NAALADL2: variants seen among roughly 807,000 people sequenced by gnomAD.
NAALADL2 encodes N-acetylated alpha-linked acidic dipeptidase like 2.
A neutral mutation model predicts 87.2 loss-of-function variants in NAALADL2; 76 were observed. That is an observed-to-expected ratio of 0.87 (90% CI 0.72 to 1.05). The LOEUF is 1.05. Ranked by LOEUF, NAALADL2 falls within the 50% of genes least tolerant of loss-of-function variation. NAALADL2 has a pLI of 0.00. For missense variants in NAALADL2, 1,089 were observed against 945.8 expected, an observed-to-expected ratio of 1.15 and a Z score of -1.99; for synonymous variants, 354 against 331.0, an observed-to-expected ratio of 1.07 and a Z score of -0.75.
chr3:175,264,937 A>G (rs1435598729), intron 4 of NAALADL2, among the ~76,000 whole-genome samples: 1 of 151,736 alleles, frequency 6.6e-6, no homozygotes, highest in Non-Finnish European at 1.5e-5. Flanking sequence ...AAAATTGTGA[A>G]TATCGTGTAA....
At chr3:174,781,126 T>C (rs1715922968) in intron 3 of NAALADL2, among the ~76,000 whole-genome samples, 1 of 152,098 alleles carries the variant, frequency 6.6e-6, no homozygotes, top group African/African-American at 2.4e-5. Flanking sequence ...TTCTGGCTTG[T>C]AGGGTTTCTG....
At chr3:175,163,832 G>A (rs996126394) in intron 2 of NAALADL2, among the ~76,000 whole-genome samples, 1 of 152,138 alleles carries the variant, frequency 6.6e-6, no homozygotes, top group African/African-American at 2.4e-5. Flanking sequence ...CTCACACACT[G>A]GGGAAGAAAA....
At chr3:175,346,030 G>C (rs1763120148) in intron 5 of NAALADL2, among the ~76,000 whole-genome samples, 1 of 152,144 alleles carries the variant, frequency 6.6e-6, no homozygotes, top group African/African-American at 2.4e-5. Flanking sequence ...AAATTCATGA[G>C]AAAGTGTATA....
chr3:174,917,726 A>G (rs1734598812), intron 1 of NAALADL2, among the ~76,000 whole-genome samples: 1 of 128,334 alleles, frequency 7.8e-6, no homozygotes, highest in South Asian at 2.4e-4. Flanking sequence ...TTTTAGATCT[A>G]TTTGTTATTT....
intron 2 of NAALADL2, among the ~76,000 whole-genome samples, chr3:174,725,709 A>AT (rs1277316076): frequency 6.6e-6 from 1 of 152,162 alleles, no homozygotes; most frequent in Non-Finnish European, 1.5e-5. Context: ...GGGATGTGGT[A>AT]TGTATGGGAG....
chr3:174,919,086 A>T (rs1384359436), intron 1 of NAALADL2, among the ~76,000 whole-genome samples: 1 of 152,152 alleles, frequency 6.6e-6, no homozygotes, highest in East Asian at 1.9e-4. Flanking sequence ...TTGCTAAAAA[A>T]TCCTAGCAGT....
chr3:174,979,020 A>T (rs1021900728), intron 1 of NAALADL2, among the ~76,000 whole-genome samples: 10 of 152,130 alleles, frequency 6.6e-5, no homozygotes, highest in Admixed American at 5.9e-4. Flanking sequence ...AGGAGCCAGG[A>T]AGGAGTGATT....
chr3:174,901,428 A>G (rs980192576), intron 1 of NAALADL2, among the ~76,000 whole-genome samples: 9 of 152,208 alleles, frequency 5.9e-5, no homozygotes, highest in Admixed American at 2.6e-4. Context: ...GGTGATTAAC[A>G]TGAAGTAGGC....
At chr3:175,678,620 A>G (rs1315053530) in intron 11 of NAALADL2, among the ~76,000 whole-genome samples, 13 of 152,196 alleles carry the variant, frequency 8.5e-5, no homozygotes, top group Non-Finnish European at 1.9e-4. Flanking sequence ...AAACTATCGC[A>G]AGGACAGAAA....
intron 10 of NAALADL2, among the ~76,000 whole-genome samples, chr3:175,601,943 G>A (rs544650553): frequency 6.6e-6 from 1 of 152,208 alleles, no homozygotes; most frequent in East Asian, 1.9e-4. Context: ...GAATTTGTCA[G>A]CATTTATTTA....
intron 12 of NAALADL2, among the ~76,000 whole-genome samples, chr3:175,747,173 C>A (rs1420999410): frequency 6.6e-6 from 1 of 152,146 alleles, no homozygotes; most frequent in East Asian, 1.9e-4. Flanking sequence ...TTTATTATCA[C>A]CTAATGTCCC....
intron 11 of NAALADL2, among the ~76,000 whole-genome samples, chr3:175,629,824 T>C (rs1727511317): frequency 6.6e-6 from 1 of 151,742 alleles, no homozygotes; most frequent in Non-Finnish European, 1.5e-5. Flanking sequence ...CTTTTTTAAT[T>C]AGTGTGAAAC....
intron 3 of NAALADL2, among the ~76,000 whole-genome samples, chr3:174,847,451 A>T (rs10222377): frequency 0.45 from 68,785 of 151,978 alleles, 15,903 homozygotes; most frequent in African/African-American, 0.53. Context: ...TGGCTTTATT[A>T]TAATCAAGAA....
intron 1 of NAALADL2, among the ~76,000 whole-genome samples, chr3:174,886,289 AG>A (rs1730141694): frequency 6.6e-6 from 1 of 152,074 alleles, no homozygotes; most frequent in South Asian, 2.1e-4. Context: ...AGAAAGATGT[AG>A]GCTGGGAGGC....
intron 5 of NAALADL2, among the ~76,000 whole-genome samples, chr3:175,386,219 G>C (rs1403809014): frequency 8.4e-6 from 1 of 118,360 alleles, no homozygotes; most frequent in Non-Finnish European, 1.7e-5. Context: ...TTGGTTGATA[G>C]ATCATCTTTT....
At chr3:175,211,736 G>C (rs568548959) in intron 2 of NAALADL2, among the ~76,000 whole-genome samples, 1 of 151,942 alleles carries the variant, frequency 6.6e-6, no homozygotes, top group Non-Finnish European at 1.5e-5. Flanking sequence ...ACAAACAAGA[G>C]TTAATCCAAA....
At chr3:175,283,813 A>G (rs1754631287) in intron 4 of NAALADL2, among the ~76,000 whole-genome samples, 2 of 152,058 alleles carry the variant, frequency 1.3e-5, no homozygotes, top group Admixed American at 6.6e-5. Flanking sequence ...AAATAGTTCT[A>G]CATCATAAAA....
At chr3:175,215,558 T>G (rs1560176315) in intron 2 of NAALADL2, among the ~76,000 whole-genome samples, 1 of 151,282 alleles carries the variant, frequency 6.6e-6, no homozygotes, top group Non-Finnish European at 1.5e-5. Flanking sequence ...TTGCACACCT[T>G]TCAGACCACT....
intron 6 of NAALADL2, among the ~76,000 whole-genome samples, chr3:175,452,908 G>A (rs1438014758): frequency 1.3e-5 from 2 of 152,122 alleles, no homozygotes; most frequent in African/African-American, 2.4e-5. Context: ...CCTGGGGAGT[G>A]CAGGCTGGGC....
Sources: allele counts gnomAD v4.1 joint callset (sites outside exome capture counted in the v4.1 genomes callset), GRCh38; gene constraint gnomAD v4.1.1; transcripts MANE v1.5; gene names NCBI Gene and HGNC (gene_info 2026-07-23, HGNC 2026-07-21).